The following SLC66A1 variants were observed in gnomAD, a reference collection of about 807,000 sequenced individuals.
The protein encoded by SLC66A1 is lysosomal amino acid transporter 1 homolog.
Under a neutral mutation model 33.0 loss-of-function variants are expected in SLC66A1, and 23 were observed. The ratio of observed to expected loss-of-function variants is 0.70; its 90% CI spans 0.50 to 0.99. The LOEUF (loss-of-function observed/expected upper bound fraction) is 0.99. Ranked by LOEUF, SLC66A1 falls within the 50% of genes least tolerant of loss-of-function variation. The pLI, the probability that SLC66A1 is intolerant of heterozygous loss-of-function variation, is 0.00. For missense variants in SLC66A1, 335 were observed against 383.6 expected, an observed-to-expected ratio of 0.87 and a Z score of 1.06; for synonymous variants, 164 against 175.5, an observed-to-expected ratio of 0.93 and a Z score of 0.52.
At chr1:19,331,708 C>T (rs191298718), downstream of SLC66A1, among the ~76,000 whole-genome samples, 1 of 152,348 alleles carries the variant, frequency 6.6e-6, no homozygotes, top group Non-Finnish European at 1.5e-5. Context: ...CCTGGCTCCA[C>T]ACCAGTTACC....
At chr1:19,321,169 C>CTTTTTTTTTTTT (rs71577887) in intron 2 of SLC66A1, among the ~76,000 whole-genome samples, 24 of 82,108 alleles carry the variant, frequency 2.9e-4, no homozygotes, top group South Asian at 5.0e-4. Context: ...CTTATCTCTT[C>CTTTTTTTTTTTT]TTTTTTTTTT....
Position 19,327,265 on chromosome 1 carries a change from G to T in SLC66A1, c.657G>T (p.Leu219=), listed in dbSNP as rs780521117. Residue 219 remains leucine, a synonymous_variant, in exon 7 of 8, where the codon CTG becomes CTT. Coordinates refer to ENST00000375153, the MANE Select transcript of SLC66A1 (RefSeq NM_001040125.2). The part of the protein sequence containing the change: ...RKSTQGISYS[L]FALVMLGNTL... ...CCACCCAGGGGATCTCCTACTCTCTGTTCGCGCTGGTGATGCTGGGGAACA... is the reference window on the plus strand; with the variant it reads ...CCACCCAGGGGATCTCCTACTCTCTTTTCGCGCTGGTGATGCTGGGGAACA... The T allele has an allele frequency of 6.2e-7, 1 of 1,613,964 alleles. No individual in the cohort carries two copies. The highest frequency in any genetic ancestry group is 1.7e-5 in the Admixed American group (1 of 60,008).
chr1:19,327,676 A>G (rs1225247609), intron 7 of SLC66A1: 2 of 671,122 alleles, frequency 3.0e-6, no homozygotes, highest in East Asian at 6.0e-5. Flanking sequence ...CGGGGCGCAG[A>G]GAGGACACAA....
chr1:19,319,276 G>A (rs2093821397), intron 2 of SLC66A1, among the ~76,000 whole-genome samples: 1 of 152,122 alleles, frequency 6.6e-6, no homozygotes. Flanking sequence ...CCCATCAGCA[G>A]TCATTCTTCA....
At chr1:19,321,069 A>T (rs1447176379) in intron 2 of SLC66A1, among the ~76,000 whole-genome samples, 1 of 148,128 alleles carries the variant, frequency 6.8e-6, no homozygotes, top group Non-Finnish European at 1.5e-5. Flanking sequence ...AATTTTGATG[A>T]TGTCCAGTTT....
chr1:19,325,642 G>A (rs1195005291), intron 4 of SLC66A1, 60 bp downstream of exon 4: 3 of 1,301,172 alleles, frequency 2.3e-6, no homozygotes, highest in East Asian at 2.4e-5. Context: ...CAGTTGTGGG[G>A]GGGGGCGCCT....
At chr1:19,326,498 A>G (rs368078529) in intron 5 of SLC66A1, 33 bp from the exon 6 acceptor site, 1 of 1,613,834 alleles carries the variant, frequency 6.2e-7, no homozygotes, top group Non-Finnish European at 8.5e-7. Flanking sequence ...TCTGGCTCCT[A>G]CGAGACACCA....
At chr1:19,317,286 G>A (rs892247994) in intron 1 of SLC66A1, among the ~76,000 whole-genome samples, 2 of 152,188 alleles carry the variant, frequency 1.3e-5, no homozygotes. Context: ...ACAGATGAGA[G>A]GGCTCAGGCA....
chr1:19,327,358 G>A lies in SLC66A1; in HGVS notation c.750G>A (p.Leu250=). Residue 250 remains leucine, a synonymous_variant, in exon 7 of 8, where the codon CTG becomes CTA. Transcript: ENST00000375153. ...GCCAGAGCGAGGGCAGCTACCTGCT[G>A]CACCACCTGCCCTGGCTTGTGGGCA... ...EEGQSEGSYL[L]HHLPWLVGSL... is the part of the protein sequence containing the mutation. 1.2e-6 allele frequency: 2 copies of A among 1,609,326 alleles called. No homozygotes were observed. The highest frequency in any genetic ancestry group is 1.7e-6 in the Non-Finnish European group (2 of 1,177,592).
chr1:19,326,242 CA>C lies in SLC66A1; in HGVS notation c.383-2del. 1 of 1,598,858 alleles carries C rather than the reference CA, an allele frequency of 6.3e-7. No homozygotes were observed. The highest frequency in any genetic ancestry group is 8.5e-7 in the Non-Finnish European group (1 of 1,176,532). ...CCTCAGCTTCCCCCTGCCTTGTGTGCAGTGTCTGCCCCCATCAACTCCGTGC... is the reference window on the plus strand; with the variant it reads ...CCTCAGCTTCCCCCTGCCTTGTGTGCGTGTCTGCCCCCATCAACTCCGTGC... On this transcript the variant is annotated splice_acceptor_variant, in intron 4 of 7. Transcript: ENST00000375153. LOFTEE classifies it high-confidence loss of function.
chr1:19,332,430 CA>C (rs889019662), downstream of SLC66A1, among the ~76,000 whole-genome samples: 1 of 152,184 alleles, frequency 6.6e-6, no homozygotes, highest in African/African-American at 2.4e-5. Context: ...TGCTTGTCAT[CA>C]GGGGGCTTAC....
downstream of SLC66A1, among the ~76,000 whole-genome samples, chr1:19,331,614 C>G (rs565043653): frequency 6.0e-4 from 92 of 152,308 alleles, no homozygotes; most frequent in African/African-American, 2.1e-3. Flanking sequence ...GGATAAGTTA[C>G]CCCCAGGCCC....
chr1:19,321,545 T>C (rs760385178), intron 2 of SLC66A1, among the ~76,000 whole-genome samples: 12 of 148,578 alleles, frequency 8.1e-5, no homozygotes, highest in Non-Finnish European at 1.6e-4. Flanking sequence ...TTGTAAATGA[T>C]GTGAAGTAGG....
At position 19,327,084 on chromosome 1, in the gene SLC66A1, C is replaced by T. The variant is rs953032270; in HGVS notation, c.619-143C>T. 19 of 837,934 alleles carry T rather than the reference C, an allele frequency of 2.3e-5. No individual in the cohort carries two copies. In the East Asian group the frequency reaches 3.7e-4, roughly 16 times the overall value. The allele number at this position is 837,934 out of a possible 1,614,324, so 51.9% of individuals were successfully genotyped here. On this transcript the variant is annotated intron_variant, in intron 6 of 7. Transcript: ENST00000375153. The stretch of plus-strand genomic sequence containing the variant: ...GGTGGGAGGAGGCTCTTCTGTGTGT[C>T]GGGCCCATATCCCTGGGCACCCAGG...
chr1:19,324,784 G>A (rs1483394612), intron 3 of SLC66A1, 22 bp downstream of exon 3: 1 of 1,613,110 alleles, frequency 6.2e-7, no homozygotes, highest in Admixed American at 1.7e-5. Context: ...CCCGGGCAAG[G>A]TGGCGCTACC....
chr1:19,319,491 C>T (rs947929137), intron 2 of SLC66A1, among the ~76,000 whole-genome samples: 15 of 151,996 alleles, frequency 9.9e-5, no homozygotes, highest in Admixed American at 4.6e-4. Context: ...TTTTTGTGGC[C>T]GAATACTGTT....
downstream of SLC66A1, among the ~76,000 whole-genome samples, chr1:19,331,164 G>A (rs919071402): frequency 4.6e-5 from 7 of 152,080 alleles, no homozygotes; most frequent in Admixed American, 1.3e-4. Flanking sequence ...GGCGCCTGCC[G>A]CCACGCTCAG....
rs556564079 is a variant in SLC66A1, at chr1:19,318,369, G to A, written c.164+528G>A. 2.0e-5 allele frequency among the ~76,000 whole-genome samples: 3 copies of A among 152,310 alleles called. No individual in the cohort carries two copies. The South Asian group carries it at 6.2e-4, about 32-fold the overall frequency. The stretch of plus-strand genomic sequence containing the variant: ...GGCCGCTGCCATGATCAGGGAGTGA[G>A]GACATGCTGCACAGGGGTCAAGAGC... On this transcript the variant is annotated intron_variant, in intron 2 of 7. Transcript: ENST00000375153.
At chr1:19,319,524 G>A (rs1227036432) in intron 2 of SLC66A1, among the ~76,000 whole-genome samples, 1 of 150,852 alleles carries the variant, frequency 6.6e-6, no homozygotes, top group African/African-American at 2.4e-5. Context: ...TAGCACATTT[G>A]GTTATCCATT....
Sources: gnomAD v4.1 joint callset for allele counts (sites outside exome capture counted in the v4.1 genomes callset) on GRCh38, gnomAD v4.1.1 for gene constraint, MANE v1.5 for transcripts, NCBI Gene and HGNC (gene_info 2026-07-23, HGNC 2026-07-21) for gene names.